Variants in TDRD1 observed in about 807,000 individuals in gnomAD.
The protein encoded by TDRD1 is tudor domain containing 1.
A neutral mutation model predicts 140.6 loss-of-function variants in TDRD1; 37 were observed. The ratio of observed to expected loss-of-function variants is 0.26; its 90% CI spans 0.20 to 0.35. The LOEUF (loss-of-function observed/expected upper bound fraction) is 0.35. Among genes scored for constraint, TDRD1 ranks in the 10% least tolerant of loss-of-function variants. The pLI is 1.00. For synonymous variants in TDRD1, 506 were observed against 475.7 expected, an observed-to-expected ratio of 1.06 and a Z score of -0.83; for missense variants, 1,243 against 1,393.0, an observed-to-expected ratio of 0.89 and a Z score of 1.71.
intron 21 of TDRD1, among the ~76,000 whole-genome samples, chr10:114,224,074 C>T (rs561188318): frequency 6.6e-6 from 1 of 152,266 alleles, no homozygotes; most frequent in South Asian, 2.1e-4. Context: ...TGATTTACTC[C>T]AGTATTTGGG....
chr10:114,189,949 A>G (rs930696238), intron 2 of TDRD1, among the ~76,000 whole-genome samples: 1 of 152,262 alleles, frequency 6.6e-6, no homozygotes, highest in African/African-American at 2.4e-5. Flanking sequence ...ATGTGGTTTT[A>G]GAGTTCACAT....
intron 3 of TDRD1, among the ~76,000 whole-genome samples, chr10:114,194,023 A>G (rs1407241935): frequency 1.3e-5 from 2 of 152,224 alleles, no homozygotes; most frequent in Non-Finnish European, 2.9e-5. Context: ...ATGGTTAACT[A>G]GCCTTGCATT....
intron 21 of TDRD1, 64 bp from the exon 22 acceptor site, chr10:114,225,985 C>A: frequency 1.5e-6 from 2 of 1,337,270 alleles, no homozygotes; most frequent in Non-Finnish European, 2.1e-6. Flanking sequence ...CTATGAATAG[C>A]CATCTTAAAG....
At chr10:114,203,901 C>T (rs2034930323) in intron 8 of TDRD1, among the ~76,000 whole-genome samples, 172 bp from the exon 9 acceptor site, 1 of 152,174 alleles carries the variant, frequency 6.6e-6, no homozygotes, top group Non-Finnish European at 1.5e-5. Flanking sequence ...CCTAACTAGA[C>T]AATTTTAGGG....
exon 17 of TDRD1, chr10:114,217,650 T>G: frequency 6.3e-7 from 1 of 1,583,886 alleles, no homozygotes; most frequent in Non-Finnish European, 8.6e-7. Context: ...TGTGCTTTTT[T>G]TGCAGGTAAG....
intron 1 of TDRD1, among the ~76,000 whole-genome samples, chr10:114,184,340 A>G (rs780723852): frequency 1.4e-4 from 22 of 152,324 alleles, no homozygotes; most frequent in Admixed American, 3.3e-4. Context: ...CTGCATAGGC[A>G]AACCAGAGCT....
rs201492690 is a variant in TDRD1, at chr10:114,214,128, T to C, written c.2212+14T>C. 1 of 1,611,268 alleles carries C rather than the reference T, an allele frequency of 6.2e-7. No individual in the cohort carries two copies. The highest frequency in any genetic ancestry group is 8.5e-7 in the Non-Finnish European group (1 of 1,177,852). On this transcript the variant is annotated intron_variant, in intron 16 of 25. Coordinates refer to ENST00000251864, the Ensembl canonical transcript of TDRD1. ...TTAAAGAGGATGGTAAGTTGATTCT[T>C]GTCATTTGTTTCTTTTTACAAATAC...
intron 25 of TDRD1, among the ~76,000 whole-genome samples, chr10:114,229,979 C>T (rs946451755): frequency 1.3e-5 from 2 of 151,970 alleles, no homozygotes; most frequent in South Asian, 2.1e-4. Flanking sequence ...TATAGGTGCC[C>T]GCCACCACAC....
intron 4 of TDRD1, among the ~76,000 whole-genome samples, chr10:114,200,679 A>C (rs1384080212): frequency 6.6e-6 from 1 of 151,878 alleles, no homozygotes. Flanking sequence ...GCGCACCACC[A>C]CACTGGGCTT....
intron 18 of TDRD1, among the ~76,000 whole-genome samples, chr10:114,220,018 C>T (rs2036046563): frequency 6.6e-6 from 1 of 152,166 alleles, no homozygotes; most frequent in Non-Finnish European, 1.5e-5. Flanking sequence ...AAGACCCAGA[C>T]CTACCAAAAT....
intron 3 of TDRD1, among the ~76,000 whole-genome samples, chr10:114,196,863 T>TTTTTA (rs2034395200): frequency 1.6e-5 from 2 of 126,634 alleles, no homozygotes; most frequent in African/African-American, 2.8e-5. Flanking sequence ...TTTTTTTTTT[T>TTTTTA]GAGACAGAAT....
intron 4 of TDRD1, among the ~76,000 whole-genome samples, chr10:114,200,715 G>A (rs1308718001): frequency 6.6e-6 from 1 of 151,992 alleles, no homozygotes; most frequent in African/African-American, 2.4e-5. Context: ...TAGAGACGGG[G>A]TTTCACCATG....
At chr10:114,212,180 C>A in intron 14 of TDRD1, 144 bp downstream of exon 14, 1 of 708,530 alleles carries the variant, frequency 1.4e-6, no homozygotes, top group Non-Finnish European at 2.2e-6. Context: ...TCATTTATCC[C>A]AAAGAAATCA....
In TDRD1 at chr10:114,227,890, T is replaced by C. The variant is rs1307175051; in HGVS notation, c.3404-20T>C. The stretch of plus-strand genomic sequence containing the variant: ...TTACATTATGTGTTATCTAATGGCT[T>C]ATTTTTCTTGTGCTTTTAGAAAAGA... On this transcript the variant is annotated intron_variant, in intron 23 of 25. Coordinates refer to ENST00000251864, the Ensembl canonical transcript of TDRD1. 6.2e-7 allele frequency: 1 copy of C among 1,608,360 alleles called. No homozygotes were observed. Among genetic ancestry groups the C allele is most frequent in the Non-Finnish European group, 8.5e-7 (1 of 1,175,276 alleles).
intron 25 of TDRD1, chr10:114,228,274 C>A (rs1428050247): frequency 7.1e-7 from 1 of 1,418,306 alleles, no homozygotes; most frequent in East Asian, 2.6e-5. Flanking sequence ...GGTCATAATG[C>A]TTCTGCTGTT....
chr10:114,178,867 C>CA (rs11285127), upstream of TDRD1, among the ~76,000 whole-genome samples: 5,287 of 102,394 alleles, frequency 0.052, 122 homozygotes, highest in East Asian at 0.14. Context: ...AGTTCCATAG[C>CA]AAAAAAAAAA....
At chr10:114,176,788 A>T (rs1229370671), upstream of TDRD1, among the ~76,000 whole-genome samples, 1 of 152,296 alleles carries the variant, frequency 6.6e-6, no homozygotes, top group South Asian at 2.1e-4. The surrounding 1 kb of genome is among the most constrained non-coding windows in gnomAD (Gnocchi z 4.2). Context: ...AAAGGAAAGG[A>T]GAGGAAAGGA....
At chr10:114,225,995 G>C (rs1049335164) in intron 21 of TDRD1, 54 bp from the exon 22 acceptor site, 1 of 1,460,124 alleles carries the variant, frequency 6.8e-7, no homozygotes, top group Non-Finnish European at 9.6e-7. Context: ...CCATCTTAAA[G>C]TAGGAGGAAT....
At chr10:114,224,628 T>C (rs1259528273) in intron 21 of TDRD1, among the ~76,000 whole-genome samples, 2 of 152,230 alleles carry the variant, frequency 1.3e-5, no homozygotes, top group Non-Finnish European at 2.9e-5. Context: ...CTTCCAACTT[T>C]TTAAATTTAG....
Sources: allele counts gnomAD v4.1 joint callset (sites outside exome capture counted in the v4.1 genomes callset), GRCh38; gene constraint gnomAD v4.1.1; non-coding constraint Gnocchi (gnomAD v3.1); transcripts MANE v1.5; gene names NCBI Gene and HGNC (gene_info 2026-07-23, HGNC 2026-07-21).